Variants in GNAQ observed in about 807,000 individuals in gnomAD.
GNAQ encodes guanine nucleotide-binding protein G(q) subunit alpha.
Under a neutral mutation model 43.9 loss-of-function variants are expected in GNAQ, and 8 were observed. The observed-to-expected ratio is 0.18, with a 90% CI of 0.11 to 0.33. The LOEUF (loss-of-function observed/expected upper bound fraction) is 0.33, where lower values mean the gene tolerates loss of function less well. GNAQ is among the 10% of genes least tolerant of loss of function. GNAQ has a pLI of 1.00. For missense variants in GNAQ, 158 were observed against 450.8 expected (o/e 0.35, Z 5.88); for synonymous variants, 155 against 170.7 (o/e 0.91, Z 0.71).
chr9:77,860,896 C>A (rs185132679), intron 2 of GNAQ, among the ~76,000 whole-genome samples: 75 of 152,324 alleles, frequency 4.9e-4, no homozygotes, highest in Admixed American at 2.0e-3. Flanking sequence ...ATAATGGCCC[C>A]TCAAAGATAT....
rs527579159 is a variant in GNAQ at position 77,941,394 on chromosome 9, C to T, written c.137-19049G>A. On this transcript the variant is annotated intron_variant, in intron 1 of 6. Transcript: ENST00000286548. ...CCTCCCAAGTAGCTGGGACTACAGG[C>T]ACCCACCACCACACCTGGCTAATTT... Among the ~76,000 whole-genome samples, 18 of 152,162 alleles carry T rather than the reference C, an allele frequency of 1.2e-4. No individual in the cohort carries two copies. The East Asian group carries it at 3.3e-3, about 28-fold the overall frequency.
rs143354343 is a variant in GNAQ at position 77,797,115 on chromosome 9, C to T, written c.605+405G>A. The stretch of plus-strand genomic sequence containing the variant: ...TGGCGCAATCTCGTCTCATTGCAAC[C>T]TTCGCCTCCTGGGTTCAAGTGATTC... On this transcript the variant is annotated intron_variant, in intron 4 of 6. Transcript: ENST00000286548. Among the ~76,000 whole-genome samples, 44 of 152,252 alleles carry T rather than the reference C, an allele frequency of 2.9e-4. 1 individual carries two copies. Among genetic ancestry groups the T allele is most frequent in the African/African-American group, 1.0e-3 (43 of 41,554 alleles).
intron 5 of GNAQ, among the ~76,000 whole-genome samples, chr9:77,787,865 A>C (rs1683282001): frequency 6.6e-6 from 1 of 152,136 alleles, no homozygotes; most frequent in South Asian, 2.1e-4. Context: ...CCCCACCTCT[A>C]CTAAAAATAC....
intron 1 of GNAQ, among the ~76,000 whole-genome samples, chr9:77,988,390 C>A (rs1408542965): frequency 1.3e-5 from 2 of 152,224 alleles, no homozygotes; most frequent in African/African-American, 4.8e-5. Flanking sequence ...GGGTCCTACA[C>A]TGCAACCTAA....
chr9:77,946,019 G>GCA (rs1822889588), intron 1 of GNAQ, among the ~76,000 whole-genome samples: 1 of 152,186 alleles, frequency 6.6e-6, no homozygotes, highest in Admixed American at 6.5e-5. Flanking sequence ...ACTTTAAGTG[G>GCA]AGGACGAGAG....
intron 2 of GNAQ, among the ~76,000 whole-genome samples, chr9:77,907,261 C>T (rs1311985058): frequency 1.3e-5 from 2 of 152,086 alleles, no homozygotes; most frequent in South Asian, 2.1e-4. Context: ...AATTAAGATG[C>T]CTTCCCTGGC....
In GNAQ at chr9:77,762,611, T is replaced by C. The variant is rs569579312; in HGVS notation, c.735+31852A>G. Among the ~76,000 whole-genome samples, 283 of 150,430 alleles carry C rather than the reference T, an allele frequency of 1.9e-3. 1 individual carries two copies. The highest frequency in any genetic ancestry group is 6.2e-3 in the African/African-American group (256 of 41,102). ...TCTGGGAGGTGTGACCAACAGCCCA[T>C]TGAGAACGGGCCATGATGACAATGG... On this transcript the variant is annotated intron_variant, in intron 5 of 6. Coordinates refer to ENST00000286548, the MANE Select transcript of GNAQ (RefSeq NM_002072.5).
chr9:77,783,543 C>T (rs1826430039), intron 5 of GNAQ, among the ~76,000 whole-genome samples: 1 of 152,078 alleles, frequency 6.6e-6, no homozygotes. Context: ...TCACGTTGGT[C>T]CCAACCTCTT....
In GNAQ at chr9:77,944,295, G is replaced by A. The variant is rs190160578; in HGVS notation, c.137-21950C>T. ...AGCATTTTAGAATTATTCCAGTGGGGCTCACAAATCTTCCGCCATACCAGA... is the reference window on the plus strand; with the variant it reads ...AGCATTTTAGAATTATTCCAGTGGGACTCACAAATCTTCCGCCATACCAGA... On this transcript the variant is annotated intron_variant, in intron 1 of 6. Coordinates refer to ENST00000286548, the MANE Select transcript of GNAQ (RefSeq NM_002072.5). 4.8e-3 allele frequency among the ~76,000 whole-genome samples: 720 copies of A among 151,218 alleles called. 8 individuals carry two copies. The highest frequency in any genetic ancestry group is 8.7e-3 in the Non-Finnish European group (589 of 67,880).
intron 1 of GNAQ, among the ~76,000 whole-genome samples, chr9:77,927,888 A>T (rs1482378793): frequency 2.0e-5 from 3 of 152,174 alleles, no homozygotes; most frequent in Non-Finnish European, 2.9e-5. Flanking sequence ...ACAACAGCCA[A>T]GAACAAAACC....
At position 77,970,200 on chromosome 9, in the gene GNAQ, A is replaced by G. The variant is rs566060813; in HGVS notation, c.137-47855T>C. Among the ~76,000 whole-genome samples, 79 of 152,024 alleles carry G rather than the reference A, an allele frequency of 5.2e-4. 1 individual carries two copies. Among genetic ancestry groups the G allele is most frequent in the Middle Eastern group, 3.4e-3 (1 of 294 alleles). ...ATGCCACTCCACTCCAGCCTAGGCA[A>G]CAGAGCAAGACTCCATCTCCACAAA... On this transcript the variant is annotated intron_variant, in intron 1 of 6. Transcript: ENST00000286548.
At chr9:77,730,707 A>G (rs927931626) in intron 5 of GNAQ, among the ~76,000 whole-genome samples, 1 of 152,226 alleles carries the variant, frequency 6.6e-6, no homozygotes, top group East Asian at 1.9e-4. Context: ...TTTCTCTTTT[A>G]TATAAATGAC....
At chr9:77,878,006 T>C (rs1166048128) in intron 2 of GNAQ, among the ~76,000 whole-genome samples, 1 of 152,208 alleles carries the variant, frequency 6.6e-6, no homozygotes, top group African/African-American at 2.4e-5. Flanking sequence ...TTAATTACCA[T>C]GTCCCTCTTT....
chr9:77,994,347 T>A (rs2118532085), intron 1 of GNAQ, among the ~76,000 whole-genome samples: 1 of 152,308 alleles, frequency 6.6e-6, no homozygotes, highest in Non-Finnish European at 1.5e-5. Context: ...GCCACGTGTA[T>A]TTTAAACAAA....
chr9:77,779,011 C>G (rs142224119), intron 5 of GNAQ, among the ~76,000 whole-genome samples: 4 of 152,022 alleles, frequency 2.6e-5, no homozygotes, highest in Admixed American at 6.5e-5. Flanking sequence ...ATGAACAGAT[C>G]CAGCATGCAG....
intron 5 of GNAQ, among the ~76,000 whole-genome samples, chr9:77,749,775 C>G (rs919500432): frequency 6.6e-6 from 1 of 152,166 alleles, no homozygotes; most frequent in Non-Finnish European, 1.5e-5. Context: ...TGAAACCATA[C>G]TTTTCCTTAC....
At chr9:77,811,587 C>G (rs932487696) in intron 3 of GNAQ, among the ~76,000 whole-genome samples, 1 of 152,186 alleles carries the variant, frequency 6.6e-6, no homozygotes, top group African/African-American at 2.4e-5. Context: ...CCTGGAGCAT[C>G]TGCAGTGATT....
intron 2 of GNAQ, among the ~76,000 whole-genome samples, chr9:77,820,282 T>C (rs1827092375): frequency 6.6e-6 from 1 of 152,150 alleles, no homozygotes; most frequent in Non-Finnish European, 1.5e-5. Flanking sequence ...GCATAAAATC[T>C]CCTGCAGAAA....
intron 2 of GNAQ, among the ~76,000 whole-genome samples, chr9:77,830,393 A>T (rs1827279359): frequency 6.6e-6 from 1 of 152,212 alleles, no homozygotes; most frequent in Non-Finnish European, 1.5e-5. Context: ...AGACAAAGAT[A>T]GTAAGTTTTG....
Sources: gnomAD v4.1 joint callset for allele counts (sites outside exome capture counted in the v4.1 genomes callset) on GRCh38, gnomAD v4.1.1 for gene constraint, MANE v1.5 for transcripts, NCBI Gene and HGNC (gene_info 2026-07-23, HGNC 2026-07-21) for gene names.